NELL1: variants seen among roughly 807,000 people sequenced by gnomAD.
NELL1 encodes protein kinase C-binding protein NELL1.
Under a neutral mutation model 107.4 loss-of-function variants are expected in NELL1, and 76 were observed. The observed-to-expected ratio is 0.71, with a 90% CI of 0.59 to 0.86. NELL1 has a LOEUF of 0.86. NELL1 is among the 40% of genes least tolerant of loss of function. The probability of loss-of-function intolerance (pLI) is 0.00; values close to 1 mark genes in which losing one functional copy is unlikely to be tolerated. For synonymous variants in NELL1, 353 were observed against 341.2 expected, an observed-to-expected ratio of 1.03 and a Z score of -0.38; for missense variants, 1,024 against 1,005.5, an observed-to-expected ratio of 1.02 and a Z score of -0.25.
intron 14 of NELL1, among the ~76,000 whole-genome samples, chr11:21,323,325 G>A (rs1033843947): frequency 1.3e-5 from 2 of 152,148 alleles, no homozygotes; most frequent in African/African-American, 2.4e-5. Context: ...TCTTCATGAA[G>A]TATTTCCTGA....
At chr11:20,685,059 C>T (rs955192570) in intron 2 of NELL1, among the ~76,000 whole-genome samples, 5 of 151,946 alleles carry the variant, frequency 3.3e-5, no homozygotes, top group Admixed American at 3.3e-4. Context: ...CTGCTATCTT[C>T]TCTTGTGTAT....
At chr11:20,784,911 G>T (rs1187469534) in intron 3 of NELL1, among the ~76,000 whole-genome samples, 1 of 152,166 alleles carries the variant, frequency 6.6e-6, no homozygotes, top group Non-Finnish European at 1.5e-5. Context: ...CAATAATAAA[G>T]AAATAGTAGA....
intron 12 of NELL1, among the ~76,000 whole-genome samples, chr11:21,058,115 T>C (rs1465153331): frequency 6.6e-6 from 1 of 152,070 alleles, no homozygotes; most frequent in African/African-American, 2.4e-5. Flanking sequence ...TCTCATAATA[T>C]ATAACTGATA....
Position 21,567,476 on chromosome 11 carries a change from G to A in NELL1, c.1981-3288G>A, listed in dbSNP as rs144566498. Among the ~76,000 whole-genome samples, 30 of 151,788 alleles carry A rather than the reference G, an allele frequency of 2.0e-4. No homozygotes were observed. The South Asian group carries it at 2.9e-3, about 15-fold the overall frequency. ...CACATGTTTGCATACACATGCAAAT[G>A]TATATGTGTGTGTGTATAATCTTTC... On this transcript the variant is annotated intron_variant, in intron 17 of 19. Transcript: ENST00000357134.
intron 15 of NELL1, among the ~76,000 whole-genome samples, chr11:21,497,524 CAGTT>C (rs1554923824): frequency 3.3e-5 from 5 of 151,922 alleles, no homozygotes; most frequent in Non-Finnish European, 5.9e-5. Context: ...ATTATGAAGT[CAGTT>C]ATTTATCATT....
chr11:20,920,929 A>G (rs762930677), intron 7 of NELL1, among the ~76,000 whole-genome samples: 3 of 152,080 alleles, frequency 2.0e-5, no homozygotes, highest in Non-Finnish European at 1.5e-5. Flanking sequence ...GCACTTTGGC[A>G]GATTTTTAGG....
intron 14 of NELL1, among the ~76,000 whole-genome samples, chr11:21,282,596 C>T (rs964434060): frequency 3.3e-5 from 5 of 151,862 alleles, no homozygotes; most frequent in Admixed American, 1.3e-4. Context: ...AATCTGACCA[C>T]TATGGAGAAC....
At chr11:20,977,513 C>CTGGGATCA (rs1021240553) in intron 12 of NELL1, among the ~76,000 whole-genome samples, 1 of 152,156 alleles carries the variant, frequency 6.6e-6, no homozygotes, top group African/African-American at 2.4e-5. Context: ...ATCCACTCTC[C>CTGGGATCA]TGGGCCTCCC....
At chr11:20,683,411 C>T (rs958538595) in intron 2 of NELL1, among the ~76,000 whole-genome samples, 1 of 151,890 alleles carries the variant, frequency 6.6e-6, no homozygotes, top group Non-Finnish European at 1.5e-5. Context: ...ATCCCATCAC[C>T]CAGGTAGTGA....
chr11:20,979,088 C>T (rs1851697917), intron 12 of NELL1, among the ~76,000 whole-genome samples: 1 of 152,054 alleles, frequency 6.6e-6, no homozygotes, highest in African/African-American at 2.4e-5. Context: ...AGTTTTTGGT[C>T]GACTGAACCA....
At chr11:21,007,197 C>A (rs537365168) in intron 12 of NELL1, among the ~76,000 whole-genome samples, 2 of 152,096 alleles carry the variant, frequency 1.3e-5, no homozygotes, top group Non-Finnish European at 2.9e-5. Context: ...TTTCCCTTAT[C>A]CTCTTATTGT....
chr11:21,102,751 A>T (rs1369000690), intron 12 of NELL1, among the ~76,000 whole-genome samples: 1 of 152,006 alleles, frequency 6.6e-6, no homozygotes, highest in Non-Finnish European at 1.5e-5. Context: ...TTTCCGTTCC[A>T]CCTTTGGGTT....
chr11:21,330,173 A>G (rs149815834), intron 14 of NELL1, among the ~76,000 whole-genome samples: 1 of 152,204 alleles, frequency 6.6e-6, no homozygotes, highest in Non-Finnish European at 1.5e-5. Flanking sequence ...GTTGTTAAGT[A>G]TAGATATTTA....
chr11:21,207,395 T>C (rs1857412254), intron 13 of NELL1, among the ~76,000 whole-genome samples: 1 of 152,096 alleles, frequency 6.6e-6, no homozygotes, highest in Non-Finnish European at 1.5e-5. Flanking sequence ...CTTTGCAGGA[T>C]GCCATGAACT....
chr11:21,150,426 C>A (rs1163412006), intron 13 of NELL1, among the ~76,000 whole-genome samples: 1 of 152,146 alleles, frequency 6.6e-6, no homozygotes, highest in Non-Finnish European at 1.5e-5. Context: ...TTGGAGGCCA[C>A]CATGCAGAGT....
chr11:21,061,275 T>A (rs936953644), intron 12 of NELL1, among the ~76,000 whole-genome samples: 1 of 152,116 alleles, frequency 6.6e-6, no homozygotes, highest in Non-Finnish European at 1.5e-5. Context: ...TAAAATGATT[T>A]CAAGTCATGA....
intron 3 of NELL1, among the ~76,000 whole-genome samples, chr11:20,839,012 A>C (rs772597480): frequency 3.3e-5 from 5 of 152,148 alleles, no homozygotes; most frequent in Non-Finnish European, 7.4e-5. Flanking sequence ...AGGCCTTGAC[A>C]ATCAAAACCA....
At chr11:20,780,919 A>G (rs1364137083) in intron 2 of NELL1, among the ~76,000 whole-genome samples, 1 of 152,228 alleles carries the variant, frequency 6.6e-6, no homozygotes. Context: ...TTTGTGTGCA[A>G]CTTTGCAGGC....
intron 15 of NELL1, among the ~76,000 whole-genome samples, chr11:21,498,568 A>C (rs576443366): frequency 1.3e-5 from 2 of 151,774 alleles, no homozygotes; most frequent in African/African-American, 4.8e-5. Flanking sequence ...CTAGTGATCA[A>C]CGTTTAAATT....
Sources: allele counts gnomAD v4.1 joint callset (sites outside exome capture counted in the v4.1 genomes callset), GRCh38; gene constraint gnomAD v4.1.1; transcripts MANE v1.5; gene names NCBI Gene and HGNC (gene_info 2026-07-23, HGNC 2026-07-21).